Variants in IL12RB2 observed in about 807,000 individuals in gnomAD.
The protein encoded by IL12RB2 is interleukin 12 receptor subunit beta 2.
Under a neutral mutation model 89.4 loss-of-function variants are expected in IL12RB2, and 82 were observed. The ratio of observed to expected loss-of-function variants is 0.92; its 90% CI spans 0.77 to 1.10. IL12RB2 has a LOEUF of 1.10. Ranked by LOEUF, IL12RB2 falls within the 50% of genes least tolerant of loss-of-function variation. The pLI is 0.00. For synonymous variants in IL12RB2, 368 were observed against 370.1 expected (o/e 0.99, Z 0.07); for missense variants, 963 against 1,031.9 (o/e 0.93, Z 0.92).
At chr1:67,355,180 G>A (rs796107247) in intron 10 of IL12RB2, among the ~76,000 whole-genome samples, 6 of 152,208 alleles carry the variant, frequency 3.9e-5, no homozygotes, top group African/African-American at 1.2e-4. Context: ...TTGGGAGGCC[G>A]AGGCAGGTAG....
chr1:67,379,812 G>A (rs1212129633), intron 13 of IL12RB2, 174 bp from the exon 14 acceptor site: 4 of 583,834 alleles, frequency 6.9e-6, no homozygotes, highest in South Asian at 2.2e-5. Flanking sequence ...CATAAATGAC[G>A]ATGTCTAGGG....
chr1:67,371,417 A>G (rs756873077), intron 11 of IL12RB2, among the ~76,000 whole-genome samples: 1 of 106,934 alleles, frequency 9.4e-6, no homozygotes, highest in Non-Finnish European at 2.1e-5. Flanking sequence ...ATTCTTCCTG[A>G]AAAAAAAAAA....
intron 10 of IL12RB2, among the ~76,000 whole-genome samples, chr1:67,358,958 A>G (rs1026615186): frequency 6.6e-6 from 1 of 152,096 alleles, no homozygotes; most frequent in African/African-American, 2.4e-5. Flanking sequence ...CCTGGCCAAC[A>G]TTGTGAAACC....
chr1:67,326,684 G>A, intron 4 of IL12RB2, 51 bp from the exon 5 acceptor site: 1 of 1,599,902 alleles, frequency 6.3e-7, no homozygotes, highest in Non-Finnish European at 8.5e-7. Flanking sequence ...TAACAATTCG[G>A]TTGAAATATC....
At chr1:67,392,120 G>A (rs1010193647) in intron 16 of IL12RB2, among the ~76,000 whole-genome samples, 2 of 152,170 alleles carry the variant, frequency 1.3e-5, no homozygotes, top group African/African-American at 4.8e-5. Context: ...GGGGTGAGGA[G>A]AGAGTTTCTA....
chr1:67,328,320 T>C lies in IL12RB2; in HGVS notation c.600T>C (p.Val200=). The C allele has an allele frequency of 6.2e-7, 1 of 1,614,208 alleles. No individual in the cohort carries two copies. The highest frequency in any genetic ancestry group is 8.5e-7 in the Non-Finnish European group (1 of 1,180,028). ...CTGAATCCAATTTCACAGCCAAGGT[T>C]ACTGCTGTCAATAGTCTTGGAAGCT... ...ESPESNFTAK[V]TAVNSLGSSS... is the part of the protein sequence containing the mutation. Residue 200 remains valine, a synonymous_variant, in exon 6 of 17, where the codon GTT becomes GTC. Transcript: ENST00000674203.
At chr1:67,394,289 G>A (rs2100340505) in intron 16 of IL12RB2, among the ~76,000 whole-genome samples, 1 of 152,222 alleles carries the variant, frequency 6.6e-6, no homozygotes, top group East Asian at 1.9e-4. Flanking sequence ...CTCTGCTTGG[G>A]AAAGATCAGG....
At position 67,329,632 on chromosome 1, in the gene IL12RB2, C is replaced by A; in HGVS notation, c.710C>A (p.Ala237Asp). 1 of 1,576,650 alleles carries A rather than the reference C, an allele frequency of 6.3e-7. No homozygotes were observed. Among genetic ancestry groups the A allele is most frequent in the Non-Finnish European group, 8.7e-7 (1 of 1,145,714 alleles). ...GACATTAGAATCAAATTTCAAAAGG[C>A]TTCTGTGAGCAGATGTACCCTTTAT... ...PWDIRIKFQK[A>D]SVSRCTLYWR... The change falls in exon 7 of 17, where the codon GCT becomes GAT. Residue 237 changes from alanine (A) to aspartate (D), a missense_variant. Coordinates refer to ENST00000674203, the MANE Select transcript of IL12RB2 (RefSeq NM_001374259.2).
intron 13 of IL12RB2, among the ~76,000 whole-genome samples, chr1:67,377,340 T>C (rs1462922514): frequency 1.3e-5 from 2 of 152,166 alleles, no homozygotes; most frequent in Admixed American, 1.3e-4. Flanking sequence ...ATGTTGAGTA[T>C]ATGACGCTGA....
chr1:67,318,048 G>T (rs1297048388), intron 2 of IL12RB2, among the ~76,000 whole-genome samples: 3 of 152,162 alleles, frequency 2.0e-5, no homozygotes, highest in Non-Finnish European at 4.4e-5. Context: ...AGTAACACAT[G>T]AACTGAAATC....
At chr1:67,353,146 C>T (rs1661030338) in intron 10 of IL12RB2, among the ~76,000 whole-genome samples, 1 of 152,130 alleles carries the variant, frequency 6.6e-6, no homozygotes. Flanking sequence ...TCACCATGAC[C>T]CTCAACTGCT....
intron 4 of IL12RB2, among the ~76,000 whole-genome samples, chr1:67,325,329 C>T (rs770268040): frequency 9.9e-5 from 15 of 152,170 alleles, no homozygotes; most frequent in Non-Finnish European, 2.1e-4. Flanking sequence ...CTGGCACAAT[C>T]TCAGCTCGTC....
chr1:67,390,935 G>T (rs891624115), intron 16 of IL12RB2, among the ~76,000 whole-genome samples: 3 of 152,014 alleles, frequency 2.0e-5, no homozygotes, highest in African/African-American at 4.8e-5. Flanking sequence ...CAACTACCGA[G>T]TATGTTCTGT....
chr1:67,348,895 G>A (rs1660522942), intron 9 of IL12RB2, among the ~76,000 whole-genome samples: 1 of 152,094 alleles, frequency 6.6e-6, no homozygotes, highest in Non-Finnish European at 1.5e-5. Context: ...TAACCCATGG[G>A]ATACCATATT....
rs17129920 is a variant in IL12RB2 at position 67,379,965 on chromosome 1, CTTCCT to C, written c.1718-18_1718-14del. On this transcript the variant is annotated splice_polypyrimidine_tract_variant and intron_variant, in intron 13 of 16. Transcript: ENST00000674203. ...GCCATATCCTTTAATACATGCCTTT[CTTCCT>C]TTATCTTCCTTTCAGAAATTCCCTA... 81,346 of 1,578,308 alleles carry C rather than the reference CTTCCT, an allele frequency of 0.052. 2,491 individuals carry two copies. Among genetic ancestry groups the C allele is most frequent in the Middle Eastern group, 0.1 (605 of 5,984 alleles).
At chr1:67,390,149 G>T in intron 16 of IL12RB2, 21 bp downstream of exon 16, 1 of 935,294 alleles carries the variant, frequency 1.1e-6, no homozygotes. Context: ...ATTCCTCTGT[G>T]GTCAGTCAGT....
At chr1:67,369,887 T>C (rs1045250028) in intron 11 of IL12RB2, among the ~76,000 whole-genome samples, 3 of 151,674 alleles carry the variant, frequency 2.0e-5, no homozygotes, top group Non-Finnish European at 4.4e-5. Context: ...CTGGGCGTGG[T>C]GGTGGGCGCC....
chr1:67,343,466 G>T (rs2100788097), intron 9 of IL12RB2, among the ~76,000 whole-genome samples: 1 of 152,252 alleles, frequency 6.6e-6, no homozygotes, highest in Admixed American at 6.5e-5. Context: ...AAAAACACCT[G>T]GGTATTGTTA....
At chr1:67,313,297 T>A (rs564250431) in intron 1 of IL12RB2, among the ~76,000 whole-genome samples, 2 of 152,326 alleles carry the variant, frequency 1.3e-5, no homozygotes, top group East Asian at 3.9e-4. Flanking sequence ...TCAGAAGTAA[T>A]GAGTCAACCT....
Sources: gnomAD v4.1 joint callset for allele counts (sites outside exome capture counted in the v4.1 genomes callset) on GRCh38, gnomAD v4.1.1 for gene constraint, MANE v1.5 for transcripts, NCBI Gene and HGNC (gene_info 2026-07-23, HGNC 2026-07-21) for gene names.